Variants in GDPD1 observed in about 807,000 individuals in gnomAD.
GDPD1 encodes the protein glycerophosphodiester phosphodiesterase domain containing 1.
In GDPD1, 28 loss-of-function variants were observed where a neutral mutation model predicts 45.1. The observed-to-expected ratio is 0.62, with a 90% CI of 0.46 to 0.85. The LOEUF (loss-of-function observed/expected upper bound fraction) is 0.85. Ranked by LOEUF, GDPD1 falls within the 40% of genes least tolerant of loss-of-function variation. The probability of loss-of-function intolerance (pLI) is 0.00; values close to 1 mark genes in which losing one functional copy is unlikely to be tolerated. For missense variants in GDPD1, 256 were observed against 364.8 expected (o/e 0.70, Z 2.43); for synonymous variants, 139 against 131.4 (o/e 1.06, Z -0.40).
intron 9 of GDPD1, 67 bp downstream of exon 9, chr17:59,272,903 C>A (rs1004973026): frequency 6.8e-6 from 11 of 1,611,964 alleles, no homozygotes; most frequent in South Asian, 1.1e-5. Context: ...ATATAAAGGG[C>A]AAGAACTTTT....
At chr17:59,222,405 A>G (rs1214618206) in intron 1 of GDPD1, among the ~76,000 whole-genome samples, 2 of 143,096 alleles carry the variant, frequency 1.4e-5, no homozygotes, top group African/African-American at 5.3e-5. Flanking sequence ...ACGGGGTTTC[A>G]CTGTCTGAGC....
At position 59,220,691 on chromosome 17, in the gene GDPD1, A is replaced by T; in HGVS notation, c.82A>T (p.Thr28Ser). The T allele has an allele frequency of 6.2e-7, 1 of 1,614,002 alleles. No individual in the cohort carries two copies. Among genetic ancestry groups the T allele is most frequent in the Non-Finnish European group, 8.5e-7 (1 of 1,179,980 alleles). Residue 28 changes from threonine to serine, a missense_variant, in exon 1 of 10, where the codon ACC (threonine) becomes TCC (serine). Coordinates refer to ENST00000284116, the MANE Select transcript of GDPD1 (RefSeq NM_182569.4). Reference sequence around the variant, plus strand: ...CTCATTCTTGTTGCTTAAATACCCGACCTTGCTGCACCAGAGAAAGAAGCA... The same window carrying T: ...CTCATTCTTGTTGCTTAAATACCCGTCCTTGCTGCACCAGAGAAAGAAGCA... ...VTSFLLLKYP[T>S]LLHQRKKQRF... is the part of the protein sequence containing the mutation.
At chr17:59,242,443 A>C (rs1051313263) in intron 2 of GDPD1, among the ~76,000 whole-genome samples, 1 of 152,160 alleles carries the variant, frequency 6.6e-6, no homozygotes, top group East Asian at 1.9e-4. Flanking sequence ...AACTCAAATA[A>C]TCTATGTGAA....
rs1027612131 is a variant in GDPD1, at chr17:59,275,948, A to T, written c.*2175A>T. 2 of 152,212 alleles carry T rather than the reference A, an allele frequency of 1.3e-5. No individual in the cohort carries two copies. Among genetic ancestry groups the T allele is most frequent in the Non-Finnish European group, 2.9e-5 (2 of 68,032 alleles). 9.4% of individuals were successfully genotyped at this position (152,212 alleles called of 1,614,324 possible). ...ATCATTTGCTTTGTTGTTTAAACTG[A>T]AATAAAGTTTTCCAAGAACAAAGTA... On this transcript the variant is annotated 3_prime_UTR_variant, in exon 10 of 10. Coordinates refer to ENST00000284116, the MANE Select transcript of GDPD1 (RefSeq NM_182569.4).
In GDPD1 at chr17:59,270,918, A is replaced by G; in HGVS notation, c.711-18A>G. 1 of 1,541,846 alleles carries G rather than the reference A, an allele frequency of 6.5e-7. No homozygotes were observed. Among genetic ancestry groups the G allele is most frequent in the South Asian group, 1.2e-5 (1 of 84,674 alleles). Reference sequence around the variant, plus strand: ...TTCTGTGTTTCTAATTTGTAATTCAAACTTTATTTTACCCTAGGCTAAAAG... The same window carrying G: ...TTCTGTGTTTCTAATTTGTAATTCAGACTTTATTTTACCCTAGGCTAAAAG... On this transcript the variant is annotated intron_variant, in intron 7 of 9. Coordinates refer to ENST00000284116, the MANE Select transcript of GDPD1 (RefSeq NM_182569.4).
intron 2 of GDPD1, among the ~76,000 whole-genome samples, chr17:59,237,353 A>T (rs921671625): frequency 2.0e-5 from 3 of 152,224 alleles, no homozygotes; most frequent in African/African-American, 7.2e-5. Context: ...GTGAGCCGAG[A>T]TGGCACCACT....
chr17:59,266,224 T>A, intron 6 of GDPD1, among the ~76,000 whole-genome samples: 1 of 151,240 alleles, frequency 6.6e-6, no homozygotes, highest in East Asian at 2.0e-4. Flanking sequence ...ACATCTCTAC[T>A]AAAACTACAA....
chr17:59,237,062 T>G (rs941758870), intron 2 of GDPD1, among the ~76,000 whole-genome samples: 1 of 152,144 alleles, frequency 6.6e-6, no homozygotes, highest in Non-Finnish European at 1.5e-5. Flanking sequence ...TTTTGTTTTG[T>G]TTTCATACTT....
intron 1 of GDPD1, among the ~76,000 whole-genome samples, chr17:59,228,206 A>G (rs1329438290): frequency 4.6e-5 from 7 of 151,726 alleles, no homozygotes; most frequent in African/African-American, 1.7e-4. Context: ...GATAAAATAC[A>G]GCAGTTTAAA....
intron 8 of GDPD1, among the ~76,000 whole-genome samples, chr17:59,271,633 A>G (rs1273881091): frequency 2.4e-5 from 3 of 123,446 alleles, no homozygotes; most frequent in Non-Finnish European, 5.1e-5. Flanking sequence ...ATTTTATTTT[A>G]TTTTATTTAT....
At chr17:59,224,474 A>T (rs1192976150) in intron 1 of GDPD1, among the ~76,000 whole-genome samples, 1 of 151,896 alleles carries the variant, frequency 6.6e-6, no homozygotes, top group African/African-American at 2.4e-5. Flanking sequence ...ATACAAAAAA[A>T]GTTAGCTGAG....
chr17:59,253,871 A>C (rs2047275174), intron 4 of GDPD1, among the ~76,000 whole-genome samples: 1 of 152,100 alleles, frequency 6.6e-6, no homozygotes, highest in Non-Finnish European at 1.5e-5. Context: ...TACTGTGGTG[A>C]CAGCTCTATC....
intron 6 of GDPD1, among the ~76,000 whole-genome samples, chr17:59,262,905 G>T (rs538065281): frequency 1.3e-5 from 2 of 152,074 alleles, no homozygotes; most frequent in African/African-American, 4.8e-5. Flanking sequence ...TGGGATTACA[G>T]GCATGAGCCA....
At chr17:59,254,236 CTGT>C (rs2047278576) in intron 4 of GDPD1, among the ~76,000 whole-genome samples, 1 of 151,878 alleles carries the variant, frequency 6.6e-6, no homozygotes, top group Non-Finnish European at 1.5e-5. Flanking sequence ...TGGCAGATGC[CTGT>C]AATCCCAGCT....
intron 1 of GDPD1, among the ~76,000 whole-genome samples, chr17:59,224,451 G>T (rs997291397): frequency 1.3e-5 from 2 of 151,872 alleles, no homozygotes; most frequent in Non-Finnish European, 2.9e-5. Flanking sequence ...GTGAAACACC[G>T]TCGCTACTAA....
intron 3 of GDPD1, among the ~76,000 whole-genome samples, chr17:59,246,753 G>GA (rs1359566580): frequency 2.0e-4 from 19 of 96,892 alleles, no homozygotes; most frequent in Admixed American, 1.0e-3. Flanking sequence ...AAGAAAAAAA[G>GA]AAAAAAAAGA....
chr17:59,272,914 AACTG>A, intron 9 of GDPD1, 78 bp downstream of exon 9: 1 of 1,611,736 alleles, frequency 6.2e-7, no homozygotes, highest in Non-Finnish European at 8.5e-7. Context: ...AAGAACTTTT[AACTG>A]ACTTAGTTTG....
intron 4 of GDPD1, among the ~76,000 whole-genome samples, chr17:59,256,696 T>C (rs1173237961): frequency 6.6e-6 from 1 of 152,182 alleles, no homozygotes; most frequent in African/African-American, 2.4e-5. Flanking sequence ...GGTTGTGATA[T>C]TGTACTATAG....
intron 2 of GDPD1, among the ~76,000 whole-genome samples, chr17:59,241,271 T>A (rs1568341862): frequency 6.6e-6 from 1 of 152,224 alleles, no homozygotes; most frequent in African/African-American, 2.4e-5. Flanking sequence ...TTACCCCACA[T>A]AGGTGATTCA....
Sources: allele counts gnomAD v4.1 joint callset (sites outside exome capture counted in the v4.1 genomes callset), GRCh38; gene constraint gnomAD v4.1.1; transcripts MANE v1.5; gene names NCBI Gene and HGNC (gene_info 2026-07-23, HGNC 2026-07-21).